Variants in MGMT observed in about 807,000 individuals in gnomAD.
MGMT encodes the protein methylated-DNA--protein-cysteine methyltransferase.
MGMT carries 14 observed loss-of-function variants against 15.9 expected under a neutral mutation model. The observed-to-expected ratio is 0.88, with a 90% CI of 0.58 to 1.37. The LOEUF (loss-of-function observed/expected upper bound fraction) is 1.37, where lower values mean the gene tolerates loss of function less well. MGMT is among the 40% of genes most tolerant of loss of function. MGMT has a pLI of 0.00. For synonymous variants in MGMT, 130 were observed against 118.2 expected (o/e 1.10, Z -0.65); for missense variants, 282 against 268.1 (o/e 1.05, Z -0.36).
At chr10:129,508,520 CTT>C (rs11311009) in intron 1 of MGMT, among the ~76,000 whole-genome samples, 152 of 141,430 alleles carry the variant, frequency 1.1e-3, no homozygotes, top group Middle Eastern at 3.8e-3. Context: ...TTCTTTCTTT[CTT>C]TTTTTTTTTT....
At chr10:129,567,374 G>A (rs370016209) in intron 2 of MGMT, among the ~76,000 whole-genome samples, 35 of 152,250 alleles carry the variant, frequency 2.3e-4, no homozygotes, top group African/African-American at 7.9e-4. Context: ...AGAGCCAGTG[G>A]CCTTCTTGCC....
chr10:129,506,985 G>C (rs12764733), intron 1 of MGMT, among the ~76,000 whole-genome samples: 16,497 of 152,210 alleles, frequency 0.11, 1,051 homozygotes, highest in African/African-American at 0.17. Context: ...CTGCCACTTA[G>C]GGGCCATGTG....
intron 2 of MGMT, among the ~76,000 whole-genome samples, chr10:129,673,997 CCT>C (rs776003017): frequency 5.9e-5 from 9 of 152,144 alleles, no homozygotes; most frequent in Non-Finnish European, 1.2e-4. Context: ...ATTCCTGAGA[CCT>C]CTTACATATA....
chr10:129,733,645 C>T (rs1589965282), intron 3 of MGMT, among the ~76,000 whole-genome samples: 1 of 152,052 alleles, frequency 6.6e-6, no homozygotes, highest in African/African-American at 2.4e-5. Flanking sequence ...ATGCCTATGT[C>T]CTGAATGGTA....
At chr10:129,712,573 C>A (rs1414168350) in intron 3 of MGMT, among the ~76,000 whole-genome samples, 1 of 152,120 alleles carries the variant, frequency 6.6e-6, no homozygotes, top group African/African-American at 2.4e-5. Context: ...AGCCCTGCCC[C>A]AGAGTTAAGG....
rs190505390 is a variant in MGMT, at chr10:129,531,336, T to C, written c.-12-4905T>C. 1.0e-3 allele frequency among the ~76,000 whole-genome samples: 152 copies of C among 152,306 alleles called. 1 individual carries two copies. The East Asian group carries it at 0.024, about 24-fold the overall frequency. Reference sequence around the variant, plus strand: ...GTGCCAGCCTTTGTGTGGCTGGTATTGTGGCTTCTAAGTTGAGCCTCCGCC... The same window carrying C: ...GTGCCAGCCTTTGTGTGGCTGGTATCGTGGCTTCTAAGTTGAGCCTCCGCC... On this transcript the variant is annotated intron_variant, in intron 1 of 4. Transcript: ENST00000651593.
At chr10:129,638,052 C>A (rs1386486839) in intron 2 of MGMT, among the ~76,000 whole-genome samples, 6 of 152,172 alleles carry the variant, frequency 3.9e-5, no homozygotes, top group Admixed American at 3.9e-4. Flanking sequence ...TAGGTAGATG[C>A]ACATTTTCCC....
rs190329312 is a variant in MGMT, at chr10:129,722,861, C to T, written c.274+14818C>T. On this transcript the variant is annotated intron_variant, in intron 3 of 4. Coordinates refer to ENST00000651593, the MANE Select transcript of MGMT (RefSeq NM_002412.5). ...TCTCTACTAAAAACACAAAAAACAG[C>T]CAAGCATGGTGGTGCACACCTGTAA... Among the ~76,000 whole-genome samples, 238 of 152,052 alleles carry T rather than the reference C, an allele frequency of 1.6e-3. 3 individuals carry two copies. In the Middle Eastern group the frequency reaches 0.027, roughly 17 times the overall value.
intron 1 of MGMT, among the ~76,000 whole-genome samples, chr10:129,482,220 G>A (rs1020526652): frequency 5.3e-5 from 8 of 152,086 alleles, no homozygotes; most frequent in African/African-American, 1.9e-4. Context: ...AAATATTTGG[G>A]TACTTTCCCA....
intron 1 of MGMT, among the ~76,000 whole-genome samples, chr10:129,468,850 A>C (rs1210065312): frequency 6.6e-6 from 1 of 152,134 alleles, no homozygotes; most frequent in Non-Finnish European, 1.5e-5. Context: ...GCGCCATTGC[A>C]CTCCAACCTG....
chr10:129,542,783 C>A (rs1490504965), intron 2 of MGMT, among the ~76,000 whole-genome samples: 1 of 152,166 alleles, frequency 6.6e-6, no homozygotes, highest in African/African-American at 2.4e-5. Flanking sequence ...CCCTGGCGAG[C>A]CTGGAACCCC....
At chr10:129,591,203 A>G (rs1846680255) in intron 2 of MGMT, among the ~76,000 whole-genome samples, 1 of 152,166 alleles carries the variant, frequency 6.6e-6, no homozygotes, top group African/African-American at 2.4e-5. Flanking sequence ...GCCGTGTTTC[A>G]AATATTGTCC....
chr10:129,607,626 T>A (rs746812985), intron 2 of MGMT, among the ~76,000 whole-genome samples: 1 of 152,214 alleles, frequency 6.6e-6, no homozygotes, highest in Non-Finnish European at 1.5e-5. Flanking sequence ...TTTATATATA[T>A]TACAAATTGC....
chr10:129,474,633 A>G (rs1462123406), intron 1 of MGMT, among the ~76,000 whole-genome samples: 1 of 152,182 alleles, frequency 6.6e-6, no homozygotes, highest in African/African-American at 2.4e-5. Context: ...ACCCAGGCTC[A>G]TTACCATTGC....
rs984233230 is a variant in MGMT, at chr10:129,556,317, A to G, written c.125+19940A>G. 4.6e-5 allele frequency among the ~76,000 whole-genome samples: 7 copies of G among 152,216 alleles called. No homozygotes were observed. Among genetic ancestry groups the G allele is most frequent in the African/African-American group, 1.7e-4 (7 of 41,464 alleles). ...CTTAGAAAGGTGATTAGGGTAACTC[A>G]GGGTCATTAGAGGAGCCCCTCACCC... On this transcript the variant is annotated intron_variant, in intron 2 of 4. Transcript: ENST00000651593. The surrounding 1 kb of genome is among the most constrained non-coding windows in gnomAD (Gnocchi z 4.3).
intron 2 of MGMT, among the ~76,000 whole-genome samples, chr10:129,593,708 T>C (rs1846717138): frequency 6.6e-6 from 1 of 152,132 alleles, no homozygotes; most frequent in Non-Finnish European, 1.5e-5. Flanking sequence ...CTTTCGGGCA[T>C]GTGTGGGGAA....
chr10:129,486,984 C>T (rs141827903), intron 1 of MGMT, among the ~76,000 whole-genome samples: 18 of 152,282 alleles, frequency 1.2e-4, no homozygotes, highest in African/African-American at 3.9e-4. Flanking sequence ...GCAGTCTACC[C>T]GGGCAGCCTA....
At chr10:129,692,927 G>A (rs1375070348) in intron 2 of MGMT, among the ~76,000 whole-genome samples, 3 of 152,240 alleles carry the variant, frequency 2.0e-5, no homozygotes, top group Non-Finnish European at 4.4e-5. Context: ...GGGCAGTGAC[G>A]CAGCACCACG....
At chr10:129,598,012 G>T (rs943390726) in intron 2 of MGMT, among the ~76,000 whole-genome samples, 2 of 152,274 alleles carry the variant, frequency 1.3e-5, no homozygotes, top group East Asian at 3.9e-4. Context: ...GGTGGCTCTC[G>T]GCCCCTGGGC....
Sources: gnomAD v4.1 joint callset for allele counts (sites outside exome capture counted in the v4.1 genomes callset) on GRCh38, gnomAD v4.1.1 for gene constraint, Gnocchi (gnomAD v3.1) non-coding constraint, MANE v1.5 for transcripts, NCBI Gene and HGNC (gene_info 2026-07-23, HGNC 2026-07-21) for gene names.